CDH12: variants seen among roughly 807,000 people sequenced by gnomAD.
The protein encoded by CDH12 is cadherin 12.
A neutral mutation model predicts 74.1 loss-of-function variants in CDH12; 41 were observed. The ratio of observed to expected loss-of-function variants is 0.55; its 90% CI spans 0.43 to 0.72. The LOEUF (loss-of-function observed/expected upper bound fraction) is 0.72, where lower values mean the gene tolerates loss of function less well. CDH12 is among the 30% of genes least tolerant of loss of function. The pLI is 0.00. For synonymous variants in CDH12, 399 were observed against 355.0 expected (o/e 1.12, Z -1.39); for missense variants, 945 against 977.2 (o/e 0.97, Z 0.44).
chr5:22,795,855 G>A (rs1184117443), intron 1 of CDH12, among the ~76,000 whole-genome samples: 1 of 151,970 alleles, frequency 6.6e-6, no homozygotes, highest in African/African-American at 2.4e-5. Context: ...ATCTGAGGAA[G>A]TCAGAACTAG....
intron 2 of CDH12, among the ~76,000 whole-genome samples, chr5:22,461,286 C>A (rs1745507433): frequency 6.6e-6 from 1 of 151,652 alleles, no homozygotes; most frequent in Non-Finnish European, 1.5e-5. Flanking sequence ...CTTTGACCTC[C>A]CAGCTGGGAT....
chr5:22,716,580 G>T (rs1015995984), intron 1 of CDH12, among the ~76,000 whole-genome samples: 1 of 148,608 alleles, frequency 6.7e-6, no homozygotes, highest in Admixed American at 6.8e-5. Context: ...TGCTCCTTAA[G>T]CCTATTGAGA....
At chr5:22,290,830 C>A (rs1314855195) in intron 3 of CDH12, among the ~76,000 whole-genome samples, 2 of 151,930 alleles carry the variant, frequency 1.3e-5, no homozygotes, top group Non-Finnish European at 2.9e-5. Context: ...CTTAACAGGC[C>A]AATAATGAGT....
rs149665871 is a variant in CDH12, at chr5:22,069,905, G to A, written c.231+8541C>T. Among the ~76,000 whole-genome samples, 690 of 152,180 alleles carry A rather than the reference G, an allele frequency of 4.5e-3. 4 individuals carry two copies. Among genetic ancestry groups the A allele is most frequent in the Non-Finnish European group, 8.3e-3 (566 of 68,012 alleles). On this transcript the variant is annotated intron_variant, in intron 5 of 14. Transcript: ENST00000382254. ...CTAGATCAGACCCTTCAGAAATTAA[G>A]GTTTTGTCTCCCCACAAGGTAAAGA...
At chr5:22,520,537 C>T (rs1737007746) in intron 1 of CDH12, among the ~76,000 whole-genome samples, 2 of 151,960 alleles carry the variant, frequency 1.3e-5, no homozygotes, top group Admixed American at 1.3e-4. Context: ...AATAATACAG[C>T]CATGGAGTCT....
At chr5:22,053,798 A>C (rs1740554066) in intron 5 of CDH12, among the ~76,000 whole-genome samples, 2 of 152,076 alleles carry the variant, frequency 1.3e-5, no homozygotes, top group Admixed American at 6.6e-5. Flanking sequence ...CCTACCTTTA[A>C]CGGGTGTTTC....
chr5:22,468,286 T>A (rs993055874), intron 2 of CDH12, among the ~76,000 whole-genome samples: 1 of 152,218 alleles, frequency 6.6e-6, no homozygotes, highest in Non-Finnish European at 1.5e-5. Flanking sequence ...AATACATACA[T>A]GACTCTCCAA....
intron 8 of CDH12, among the ~76,000 whole-genome samples, chr5:21,838,638 TC>T (rs1365265164): frequency 6.6e-6 from 1 of 152,098 alleles, no homozygotes; most frequent in Non-Finnish European, 1.5e-5. Flanking sequence ...TCAGAGACTT[TC>T]CCTTAGACCT....
chr5:22,836,093 T>C (rs1736802856), intron 1 of CDH12, among the ~76,000 whole-genome samples: 2 of 151,982 alleles, frequency 1.3e-5, no homozygotes, highest in Non-Finnish European at 2.9e-5. Context: ...GGGTGATCTG[T>C]GGAATACAAA....
chr5:22,335,582 C>T (rs897463808), intron 3 of CDH12, among the ~76,000 whole-genome samples: 1 of 150,414 alleles, frequency 6.6e-6, no homozygotes, highest in Admixed American at 6.6e-5. Flanking sequence ...AAGACTCCAT[C>T]TCAAAAGAAA....
chr5:22,344,141 T>C (rs16894341), intron 3 of CDH12, among the ~76,000 whole-genome samples: 12,528 of 152,238 alleles, frequency 0.082, 767 homozygotes, highest in African/African-American at 0.17. Flanking sequence ...CCATCCAATA[T>C]TAATTGCCCT....
chr5:21,838,010 G>C (rs1245416772), intron 8 of CDH12, among the ~76,000 whole-genome samples: 1 of 151,964 alleles, frequency 6.6e-6, no homozygotes, highest in Non-Finnish European at 1.5e-5. Flanking sequence ...TTGCAGATGT[G>C]CTCTAAGATT....
chr5:22,743,415 A>G (rs1230132658), intron 1 of CDH12, among the ~76,000 whole-genome samples: 1 of 151,788 alleles, frequency 6.6e-6, no homozygotes, highest in Non-Finnish European at 1.5e-5. Flanking sequence ...GGCTGGGGGA[A>G]GCAGTATTGA....
intron 1 of CDH12, among the ~76,000 whole-genome samples, chr5:22,602,549 G>A (rs1481244763): frequency 6.6e-6 from 1 of 152,030 alleles, no homozygotes; most frequent in Non-Finnish European, 1.5e-5. Flanking sequence ...CGTATAGAAT[G>A]AAACCATAAA....
At chr5:22,752,860 C>CA (rs1455787853) in intron 1 of CDH12, among the ~76,000 whole-genome samples, 1 of 151,792 alleles carries the variant, frequency 6.6e-6, no homozygotes, top group African/African-American at 2.4e-5. Context: ...AGGCGTGAGC[C>CA]ACCGCGCCCG....
At chr5:22,267,574 T>C (rs1361132883) in intron 3 of CDH12, among the ~76,000 whole-genome samples, 1 of 152,162 alleles carries the variant, frequency 6.6e-6, no homozygotes, top group Non-Finnish European at 1.5e-5. Flanking sequence ...AGGTATGTAC[T>C]TCTGGAAAGT....
intron 4 of CDH12, among the ~76,000 whole-genome samples, chr5:22,086,232 T>A (rs1467547611): frequency 2.0e-5 from 3 of 152,210 alleles, no homozygotes; most frequent in Non-Finnish European, 2.9e-5. Context: ...CTTATGGGGT[T>A]CATTAATCCT....
rs546113458 is a variant in CDH12 at position 22,126,773 on chromosome 5, G to A, written c.-186-47911C>T. Among the ~76,000 whole-genome samples the A allele has an allele frequency of 1.6e-3, 236 of 152,160 alleles. 2 individuals are homozygous for A. The highest frequency in any genetic ancestry group is 5.5e-3 in the African/African-American group (228 of 41,498). On this transcript the variant is annotated intron_variant, in intron 4 of 14. Transcript: ENST00000382254. Reference sequence around the variant, plus strand: ...CACTCCAGCCACTTGCAGAAATGGCGGATGCATCAAAAAGACTGGTTACAG... The same window carrying A: ...CACTCCAGCCACTTGCAGAAATGGCAGATGCATCAAAAAGACTGGTTACAG...
chr5:22,171,515 G>A (rs1259210198), intron 4 of CDH12, among the ~76,000 whole-genome samples: 4 of 151,868 alleles, frequency 2.6e-5, no homozygotes, highest in Admixed American at 6.6e-5. Flanking sequence ...AGCAAAGGGC[G>A]GCCTTCTATA....
Sources: allele counts gnomAD v4.1 joint callset (sites outside exome capture counted in the v4.1 genomes callset), GRCh38; gene constraint gnomAD v4.1.1; transcripts MANE v1.5; gene names NCBI Gene and HGNC (gene_info 2026-07-23, HGNC 2026-07-21).